The following DIO2 variants were observed in gnomAD, a reference collection of about 807,000 sequenced individuals.
DIO2 encodes iodothyronine deiodinase 2.
In DIO2, 19 loss-of-function variants were observed where a neutral mutation model predicts 21.4. The observed-to-expected ratio is 0.89, with a 90% CI of 0.62 to 1.30. DIO2 has a LOEUF of 1.30. DIO2 is among the 50% of genes most tolerant of loss of function. The pLI is 0.00. For synonymous variants in DIO2, 122 were observed against 132.9 expected, an observed-to-expected ratio of 0.92 and a Z score of 0.57; for missense variants, 302 against 338.1, an observed-to-expected ratio of 0.89 and a Z score of 0.84.
At chr14:80,216,488 C>A (rs1295885380), upstream of DIO2, among the ~76,000 whole-genome samples, 1 of 152,196 alleles carries the variant, frequency 6.6e-6, no homozygotes, top group East Asian at 1.9e-4. Context: ...GCCCAAACCT[C>A]TCCAGGTGCC....
chr14:80,203,101 G>GT lies in DIO2; in HGVS notation c.409dup (p.Thr137AsnfsTer?). On this transcript the variant is annotated frameshift_variant, in exon 2 of 2. Coordinates refer to ENST00000438257, the MANE Select transcript of DIO2 (RefSeq NM_013989.5). LOFTEE classifies it high-confidence loss of function. ...TTTGCGGAAGGCTGGCAGCTGGCTCGTGAAAGGAGGTCAAGTGGCTGAGCC... is the reference window on the plus strand; with the variant it reads ...TTTGCGGAAGGCTGGCAGCTGGCTCGTTGAAAGGAGGTCAAGTGGCTGAGCC... The GT allele has an allele frequency of 6.2e-7, 1 of 1,613,850 alleles. No homozygotes were observed. The highest frequency in any genetic ancestry group is 8.5e-7 in the Non-Finnish European group (1 of 1,179,850).
At position 80,198,620 on chromosome 14, in the gene DIO2, T is replaced by C. The variant is rs189066374; in HGVS notation, c.*4069A>G. 5 of 152,144 alleles carry C rather than the reference T, an allele frequency of 3.3e-5. No homozygotes were observed. The East Asian group carries it at 9.7e-4, about 30-fold the overall frequency. The allele number at this position is 152,144 out of a possible 1,614,324, so 9.4% of individuals were successfully genotyped here. The stretch of plus-strand genomic sequence containing the variant: ...AGAGAGCCTCAGGACATGACCAAGA[T>C]TGTGCCCATTGCAAAGCAGAGATTG... On this transcript the variant is annotated 3_prime_UTR_variant, in exon 2 of 2. Transcript: ENST00000438257.
Position 80,207,285 on chromosome 14 carries a change from C to A in DIO2, c.222+3966G>T, listed in dbSNP as rs74471473. Among the ~76,000 whole-genome samples the A allele has an allele frequency of 2.1e-3, 317 of 152,150 alleles. 2 individuals carry two copies. The highest frequency in any genetic ancestry group is 7.4e-3 in the African/African-American group (309 of 41,518). On this transcript the variant is annotated intron_variant, in intron 1 of 1. Coordinates refer to ENST00000438257, the MANE Select transcript of DIO2 (RefSeq NM_013989.5). ...CCTTGATGATGTTCAGTGTTCAGTG[C>A]ATGGGGAAAAAGGAAATGCTGCTTT...
In DIO2 at chr14:80,201,926, T is replaced by A. The variant is rs1356234992; in HGVS notation, c.*763A>T. The A allele has an allele frequency of 6.2e-6, 1 of 160,216 alleles. No homozygotes were observed. The highest frequency in any genetic ancestry group is 1.4e-5 in the Non-Finnish European group (1 of 73,534). 9.9% of individuals were successfully genotyped at this position (160,216 alleles called of 1,614,324 possible). A position where few individuals can be genotyped will look rare whatever the true frequency, so the allele number is the denominator to read the frequency against. On this transcript the variant is annotated 3_prime_UTR_variant, in exon 2 of 2. Transcript: ENST00000438257. The stretch of plus-strand genomic sequence containing the variant: ...TCCGTGGCTAACAAATGTGACCCAC[T>A]CTCTACAGCTTAAGGGTGAAACTCT...
intron 2 of DIO2, among the ~76,000 whole-genome samples, chr14:80,228,325 A>G (rs1888616859): frequency 6.6e-6 from 1 of 152,238 alleles, no homozygotes; most frequent in African/African-American, 2.4e-5. Context: ...GTTGCATACC[A>G]GGTACCAGGA....
In DIO2 at chr14:80,211,341, G is replaced by A; in HGVS notation, c.132C>T (p.Ser44=). 1 of 1,613,826 alleles carries A rather than the reference G, an allele frequency of 6.2e-7. No individual in the cohort carries two copies. The highest frequency in any genetic ancestry group is 8.5e-7 in the Non-Finnish European group (1 of 1,179,882). Reference sequence around the variant, plus strand: ...GCCGCCACTCTCCGCGAGTGGACTTGGAGCGGCTCAACAGCAGCACCACGT... The same window carrying A: ...GCCGCCACTCTCCGCGAGTGGACTTAGAGCGGCTCAACAGCAGCACCACGT... ...LKHVVLLLSR[S]KSTRGEWRRM... is the part of the protein sequence containing the mutation. Residue 44 remains serine, a synonymous_variant, in exon 1 of 2, where the codon TCC becomes TCT. Transcript: ENST00000438257.
At chr14:80,209,988 A>G (rs1007426670) in intron 1 of DIO2, among the ~76,000 whole-genome samples, 6 of 152,074 alleles carry the variant, frequency 3.9e-5, no homozygotes, top group Non-Finnish European at 7.4e-5. Flanking sequence ...TTGCGTCTCT[A>G]TTATTTCGAG....
rs142396637 is a variant in DIO2 at position 80,229,651 on chromosome 14, C to T, written c.-277-12914G>A. Among the ~76,000 whole-genome samples, 7 of 152,308 alleles carry T rather than the reference C, an allele frequency of 4.6e-5. No individual in the cohort carries two copies. In the East Asian group the frequency reaches 7.7e-4, roughly 17 times the overall value. ...CAAGGAAGATCAGGCATTTCTAGCT[C>T]GCTCACAGTGTGCCATCTTTTAATC... On this transcript the variant is annotated intron_variant, in intron 2 of 4. Coordinates refer to the DIO2 transcript ENST00000553594.
rs1887575816 is a variant in DIO2, at chr14:80,198,548, C to T, written c.*4141G>A. ...CAAGCCCTCAGGGCCTTGTTCTTCC[C>T]AGTTAGCAACTTTCTAGCTCTCCCA... On this transcript the variant is annotated 3_prime_UTR_variant, in exon 2 of 2. Transcript: ENST00000438257. 1.3e-5 allele frequency: 2 copies of T among 152,282 alleles called. No individual in the cohort carries two copies. The allele number at this position is 152,282 out of a possible 1,614,324, so 9.4% of individuals were successfully genotyped here.
rs1477533652 is a variant in DIO2, at chr14:80,202,687, C to A, written c.*2G>T. 1 of 1,606,950 alleles carries A rather than the reference C, an allele frequency of 6.2e-7. No homozygotes were observed. Among genetic ancestry groups the A allele is most frequent in the South Asian group, 1.1e-5 (1 of 90,120 alleles). The stretch of plus-strand genomic sequence containing the variant: ...ACAATAAGCTCTCTTATAATCATAC[C>A]TTTAACCAGCTAATCTAGTTTTCTT... On this transcript the variant is annotated 3_prime_UTR_variant, in exon 2 of 2. Coordinates refer to ENST00000438257, the MANE Select transcript of DIO2 (RefSeq NM_013989.5).
chr14:80,221,985 T>C (rs946205949), intron 2 of DIO2, among the ~76,000 whole-genome samples: 3 of 152,304 alleles, frequency 2.0e-5, no homozygotes, highest in African/African-American at 7.2e-5. Context: ...GAGGTTTTTA[T>C]GGAAAATGTA....
In DIO2 at chr14:80,205,218, G is replaced by A. The variant is rs557565836; in HGVS notation, c.223-1930C>T. On this transcript the variant is annotated intron_variant, in intron 1 of 1. Coordinates refer to ENST00000438257, the MANE Select transcript of DIO2 (RefSeq NM_013989.5). Reference sequence around the variant, plus strand: ...TACTTCTTTTTTTTTTATAGATCTAGGTAGTGGGTAGCAGTCTCTTCTCTT... The same window carrying A: ...TACTTCTTTTTTTTTTATAGATCTAAGTAGTGGGTAGCAGTCTCTTCTCTT... Among the ~76,000 whole-genome samples, 4 of 152,026 alleles carry A rather than the reference G, an allele frequency of 2.6e-5. No individual in the cohort carries two copies. The South Asian group carries it at 6.2e-4, about 24-fold the overall frequency.
chr14:80,214,207 C>T (rs1888295530), upstream of DIO2, among the ~76,000 whole-genome samples: 1 of 152,174 alleles, frequency 6.6e-6, no homozygotes, highest in Non-Finnish European at 1.5e-5. Context: ...GCCTTAGAAT[C>T]TCTCCCCTTC....
intron 1 of DIO2, among the ~76,000 whole-genome samples, chr14:80,208,932 T>C (rs1888056474): frequency 6.6e-6 from 1 of 152,196 alleles, no homozygotes; most frequent in Non-Finnish European, 1.5e-5. Context: ...ATGGTAGCTA[T>C]TACATAAATC....
In DIO2 at chr14:80,202,451, G is replaced by A; in HGVS notation, c.*238C>T. On this transcript the variant is annotated 3_prime_UTR_variant, in exon 2 of 2. Coordinates refer to ENST00000438257, the MANE Select transcript of DIO2 (RefSeq NM_013989.5). ...ATTAGCGTTTCTTCCTCTCCATCTT[G>A]GGATCTTTTCACATAGGGCTTTTTA... 1.4e-6 allele frequency: 1 copy of A among 733,278 alleles called. No individual in the cohort carries two copies. Among genetic ancestry groups the A allele is most frequent in the Non-Finnish European group, 2.5e-6 (1 of 399,684 alleles). 45.4% of individuals were successfully genotyped at this position (733,278 alleles called of 1,614,324 possible).
intron 1 of DIO2, 38 bp from the exon 2 acceptor site, chr14:80,203,326 A>T: frequency 6.7e-7 from 1 of 1,489,448 alleles, no homozygotes; most frequent in Non-Finnish European, 8.9e-7. Context: ...AAGAAGAAGA[A>T]GGTGAGAATA....
chr14:80,203,806 A>G (rs987833911), intron 1 of DIO2, among the ~76,000 whole-genome samples: 2 of 152,220 alleles, frequency 1.3e-5, no homozygotes, highest in African/African-American at 4.8e-5. Context: ...ATGGCCAGTG[A>G]TACCAGTGGG....
chr14:80,212,324 A>G (rs1888239606), upstream of DIO2: 1 of 147,752 alleles, frequency 6.8e-6, no homozygotes, highest in Admixed American at 7.2e-5. Context: ...ATAGAAAAGC[A>G]AAACTCGACA....
At chr14:80,204,758 T>C (rs932851279) in intron 1 of DIO2, among the ~76,000 whole-genome samples, 2 of 152,194 alleles carry the variant, frequency 1.3e-5, no homozygotes, top group Admixed American at 1.3e-4. Flanking sequence ...CAATCCAAAC[T>C]GATATAACCC....
Sources: gnomAD v4.1 joint callset for allele counts (sites outside exome capture counted in the v4.1 genomes callset) on GRCh38, gnomAD v4.1.1 for gene constraint, MANE v1.5 for transcripts, NCBI Gene and HGNC (gene_info 2026-07-23, HGNC 2026-07-21) for gene names.